SYNE2: variants seen among roughly 807,000 people sequenced by gnomAD.
The protein encoded by SYNE2 is spectrin repeat containing nuclear envelope protein 2.
In SYNE2, 431 loss-of-function variants were observed where a neutral mutation model predicts 856.3. That is an observed-to-expected ratio of 0.50 (90% CI 0.47 to 0.55). SYNE2 has a LOEUF of 0.55. Ranked by LOEUF, SYNE2 falls within the 20% of genes least tolerant of loss-of-function variation. The probability of loss-of-function intolerance (pLI) is 0.00; values close to 1 mark genes in which losing one functional copy is unlikely to be tolerated. For missense variants in SYNE2, 8,129 were observed against 8,023.2 expected (o/e 1.01, Z -0.50); for synonymous variants, 2,923 against 2,872.3 (o/e 1.02, Z -0.56).
chr14:64,003,344 A>G lies in SYNE2; in HGVS notation c.4397+14A>G, dbSNP rs761180500. 28 of 1,613,924 alleles carry G rather than the reference A, an allele frequency of 1.7e-5. No homozygotes were observed. The highest frequency in any genetic ancestry group is 2.3e-5 in the Non-Finnish European group (27 of 1,179,984). On this transcript the variant is annotated intron_variant, in intron 30 of 115. Coordinates refer to ENST00000555002, the MANE Select transcript of SYNE2 (RefSeq NM_182914.3). ...TGTGAAACATCGGTAAGTATTGTCC[A>G]TCCATTTCCATCCAAGGTGACTGAC...
At chr14:63,801,362 G>C (rs543841438) in intron 1 of SYNE2, among the ~76,000 whole-genome samples, 1 of 152,034 alleles carries the variant, frequency 6.6e-6, no homozygotes, top group Admixed American at 6.6e-5. Flanking sequence ...AATAACTTAC[G>C]GAGAAATAAA....
At chr14:63,834,476 A>G (rs1481686869) in intron 1 of SYNE2, among the ~76,000 whole-genome samples, 1 of 152,124 alleles carries the variant, frequency 6.6e-6, no homozygotes, top group African/African-American at 2.4e-5. Context: ...TAATAACAAC[A>G]CAACTATGTC....
chr14:63,792,253 A>G (rs1887763383), intron 1 of SYNE2, among the ~76,000 whole-genome samples: 1 of 152,214 alleles, frequency 6.6e-6, no homozygotes. Flanking sequence ...ATGTAAAACT[A>G]TGGGAAAAAT....
chr14:64,219,096 G>GATTTTTTGT, intron 109 of SYNE2, 112 bp from the exon 110 acceptor site: 1 of 758,460 alleles, frequency 1.3e-6, no homozygotes, highest in East Asian at 3.8e-5. Context: ...ATCCCCTACA[G>GATTTTTTGT]TTTTTTTGTT....
intron 70 of SYNE2, among the ~76,000 whole-genome samples, chr14:64,123,678 C>T (rs1010745258): frequency 6.6e-6 from 1 of 152,198 alleles, no homozygotes; most frequent in African/African-American, 2.4e-5. Context: ...GAATCATTCA[C>T]CCTTCTGAAA....
At chr14:64,093,577 G>A in intron 61 of SYNE2, 97 bp downstream of exon 61, 1 of 1,364,480 alleles carries the variant, frequency 7.3e-7, no homozygotes, top group South Asian at 1.2e-5. Flanking sequence ...CCTTTCTAGT[G>A]GTGCAGTGTA....
rs1443675434 is a variant in SYNE2 at position 64,017,624 on chromosome 14, A to C, written c.4917A>C (p.Glu1639Asp). ...ATGAGAAGACAGAAGATTACTATGA[A>C]AATCTTGGTCGAGCTCTAGCTTTGT... ...DINEKTEDYY[E>D]NLGRALALWD... Residue 1639 changes from glutamate to aspartate, a missense_variant, in exon 34 of 116, where the codon GAA (glutamate) becomes GAC (aspartate). Physicochemically the swap from Glu to Asp is conservative, Grantham distance 45. Coordinates refer to ENST00000555002, the MANE Select transcript of SYNE2 (RefSeq NM_182914.3). 6.2e-7 allele frequency: 1 copy of C among 1,612,962 alleles called. No individual in the cohort carries two copies. The highest frequency in any genetic ancestry group is 1.1e-5 in the South Asian group (1 of 91,034).
At chr14:63,810,273 TGATTAGCA>T (rs2139824269) in intron 1 of SYNE2, among the ~76,000 whole-genome samples, 2 of 151,824 alleles carry the variant, frequency 1.3e-5, no homozygotes, top group East Asian at 3.9e-4. Context: ...GATGTTTAAC[TGATTAGCA>T]GTATCTGATA....
chr14:64,079,518 G>C (rs1185312197), intron 55 of SYNE2, among the ~76,000 whole-genome samples: 1 of 152,084 alleles, frequency 6.6e-6, no homozygotes, highest in African/African-American at 2.4e-5. Flanking sequence ...TAGTCCTCAA[G>C]ATAGGGAAAA....
rs11427202 is a variant in SYNE2, at chr14:63,830,840, C to CTTT, written c.-304-21643_-304-21641dup. 4.2e-3 allele frequency among the ~76,000 whole-genome samples: 459 copies of CTTT among 108,662 alleles called. 1 individual carries two copies. The highest frequency in any genetic ancestry group is 4.7e-3 in the Non-Finnish European group (270 of 57,354). The allele number at this position is 108,662 out of a possible 152,430, so 71.3% of individuals were successfully genotyped here. A position where few individuals can be genotyped will look rare whatever the true frequency, so the allele number is the denominator to read the frequency against. On this transcript the variant is annotated intron_variant, in intron 1 of 23. Coordinates refer to the SYNE2 transcript ENST00000674003. Reference sequence around the variant, plus strand: ...AATCTTTCAATACAGTGATCCCATTCTTTTTTTTTTTTTTTTTTTTGTGAG... The same window carrying CTTT: ...AATCTTTCAATACAGTGATCCCATTCTTTTTTTTTTTTTTTTTTTTTTTGTGAG...
At chr14:64,119,358 AAC>A in intron 66 of SYNE2, 67 bp from the exon 67 acceptor site, 1 of 1,588,596 alleles carries the variant, frequency 6.3e-7, no homozygotes, top group Non-Finnish European at 8.6e-7. Context: ...AGTAAGTCTT[AAC>A]TTGTTTGCAG....
In SYNE2 at chr14:64,110,602, G is replaced by A. The variant is rs201245721; in HGVS notation, c.12610-2739G>A. ...ATACTTTTTACACCCCCCCCCCCCCGCCAAAGTGTACAATTATAAAACATC... is the reference window on the plus strand; with the variant it reads ...ATACTTTTTACACCCCCCCCCCCCCACCAAAGTGTACAATTATAAAACATC... On this transcript the variant is annotated intron_variant, in intron 65 of 115. Coordinates refer to ENST00000555002, the MANE Select transcript of SYNE2 (RefSeq NM_182914.3). 3.3e-3 allele frequency among the ~76,000 whole-genome samples: 72 copies of A among 21,630 alleles called. 1 individual carries two copies. The highest frequency in any genetic ancestry group is 0.012 in the African/African-American group (68 of 5,624). 14.2% of individuals were successfully genotyped at this position (21,630 alleles called of 152,430 possible).
At position 63,815,193 on chromosome 14, in the gene SYNE2, C is replaced by G. The variant is rs373906115; in HGVS notation, c.-304-37308C>G. ...CCACATATATATCCATATATATATC[C>G]ATATATATATCCATATATATATCCA... is the stretch of plus-strand genomic sequence containing the variant. On this transcript the variant is annotated intron_variant, in intron 1 of 23. Transcript: ENST00000674003. Among the ~76,000 whole-genome samples the G allele has an allele frequency of 9.5e-3, 117 of 12,252 alleles. 8 individuals are homozygous for G. The highest frequency in any genetic ancestry group is 0.045 in the South Asian group (17 of 374). The allele number at this position is 12,252 out of a possible 152,430, so 8.0% of individuals were successfully genotyped here.
chr14:64,020,057 T>C lies in SYNE2; in HGVS notation c.5115T>C (p.Phe1705=), dbSNP rs1261843702. The stretch of plus-strand genomic sequence containing the variant: ...CTAGAAGAGTGGCTGAAATACAGTT[T>C]TTGCTCCAAAGCAGTGAAATACCTC... ...EFSRRVAEIQ[F]LLQSSEIPLE... Residue 1705 remains phenylalanine, a synonymous_variant, in exon 35 of 116, where the codon TTT becomes TTC. Coordinates refer to ENST00000555002, the MANE Select transcript of SYNE2 (RefSeq NM_182914.3). 1 of 1,614,028 alleles carries C rather than the reference T, an allele frequency of 6.2e-7. No homozygotes were observed. Among genetic ancestry groups the C allele is most frequent in the African/African-American group, 1.3e-5 (1 of 75,044 alleles).
rs750934473 is a variant in SYNE2 at position 64,129,817 on chromosome 14, C to T, written c.14055C>T (p.Ala4685=). ...ADAYTVELEN[A]ESRVAKLRDE... ...CATATACAGTGGAGCTGGAGAACGCCGAGAGCCGAGTGGCCAAACTAAGAG... is the reference window on the plus strand; with the variant it reads ...CATATACAGTGGAGCTGGAGAACGCTGAGAGCCGAGTGGCCAAACTAAGAG... Residue 4685 remains alanine, a synonymous_variant, in exon 75 of 116, where the codon GCC becomes GCT. Coordinates refer to ENST00000555002, the MANE Select transcript of SYNE2 (RefSeq NM_182914.3). 6 of 1,614,102 alleles carry T rather than the reference C, an allele frequency of 3.7e-6. No homozygotes were observed. Among genetic ancestry groups the T allele is most frequent in the East Asian group, 4.5e-5 (2 of 44,890 alleles).
At chr14:64,081,363 G>C (rs1485003916) in intron 56 of SYNE2, 80 bp from the exon 57 acceptor site, 14 of 1,577,356 alleles carry the variant, frequency 8.9e-6, no homozygotes, top group South Asian at 4.5e-5. Context: ...CTGACTAACA[G>C]CTATTGACTC....
At chr14:64,073,123 T>C (rs1166504782) in intron 52 of SYNE2, among the ~76,000 whole-genome samples, 1 of 152,162 alleles carries the variant, frequency 6.6e-6, no homozygotes, top group Admixed American at 6.5e-5. Context: ...TGATTGATTA[T>C]GTAATTGGCC....
At position 64,087,953 on chromosome 14, in the gene SYNE2, C is replaced by T. The variant is rs137939885; in HGVS notation, c.11670+97C>T. 6.2e-4 allele frequency: 824 copies of T among 1,323,704 alleles called. 2 individuals are homozygous for T. In the African/African-American group the frequency reaches 0.011, roughly 18 times the overall value. 82.0% of individuals were successfully genotyped at this position (1,323,704 alleles called of 1,614,324 possible). On this transcript the variant is annotated intron_variant, in intron 58 of 115. Coordinates refer to ENST00000555002, the MANE Select transcript of SYNE2 (RefSeq NM_182914.3). The stretch of plus-strand genomic sequence containing the variant: ...ATTCCAGCACTTTGGGAGGCCAAGG[C>T]GGGTGGATCACTTGAGGTCAGGAGT...
At position 64,093,550 on chromosome 14, in the gene SYNE2, C is replaced by G. The variant is rs1398467279; in HGVS notation, c.12108+70C>G. On this transcript the variant is annotated intron_variant, in intron 61 of 115. Transcript: ENST00000555002. ...GTGCATTTATTTAATACTTACTAAG[C>G]CTTTGGTGTCTAGGAGCCTTTCTAG... The G allele has an allele frequency of 3.2e-6, 5 of 1,578,868 alleles. No homozygotes were observed. The East Asian group carries it at 9.0e-5, about 28-fold the overall frequency.
Sources: gnomAD v4.1 joint callset for allele counts (sites outside exome capture counted in the v4.1 genomes callset) on GRCh38, gnomAD v4.1.1 for gene constraint, MANE v1.5 for transcripts, NCBI Gene and HGNC (gene_info 2026-07-23, HGNC 2026-07-21) for gene names.